Variants in VEPH1 observed in about 807,000 individuals in gnomAD.
VEPH1 encodes the protein ventricular zone expressed PH domain containing 1.
A neutral mutation model predicts 85.2 loss-of-function variants in VEPH1; 80 were observed. The ratio of observed to expected loss-of-function variants is 0.94; its 90% CI spans 0.78 to 1.13. The LOEUF (loss-of-function observed/expected upper bound fraction) is 1.13, where lower values mean the gene tolerates loss of function less well. VEPH1 is among the 50% of genes most tolerant of loss of function. The probability of loss-of-function intolerance (pLI) is 0.00; values close to 1 mark genes in which losing one functional copy is unlikely to be tolerated. For synonymous variants in VEPH1, 297 were observed against 348.0 expected (o/e 0.85, Z 1.63); for missense variants, 955 against 980.5 (o/e 0.97, Z 0.35).
intron 11 of VEPH1, among the ~76,000 whole-genome samples, chr3:157,287,136 G>T (rs888920096): frequency 6.6e-6 from 1 of 152,160 alleles, no homozygotes; most frequent in Non-Finnish European, 1.5e-5. Flanking sequence ...ACTCTGGGAG[G>T]CTGAGGCAGG....
chr3:157,492,916 G>A (rs1198204239), intron 2 of VEPH1, among the ~76,000 whole-genome samples: 2 of 152,086 alleles, frequency 1.3e-5, no homozygotes, highest in African/African-American at 4.8e-5. Context: ...TGATAGAGAG[G>A]GAGGAAGTAA....
At chr3:157,410,165 C>A (rs1187464873) in intron 6 of VEPH1, among the ~76,000 whole-genome samples, 4 of 152,112 alleles carry the variant, frequency 2.6e-5, no homozygotes, top group African/African-American at 9.7e-5. Flanking sequence ...CAAATGGAGT[C>A]AATTTTTAGA....
At chr3:157,386,435 T>C (rs973399946) in intron 6 of VEPH1, among the ~76,000 whole-genome samples, 10 of 152,140 alleles carry the variant, frequency 6.6e-5, no homozygotes, top group African/African-American at 2.4e-4. Context: ...GATTGAGATT[T>C]AATAAAATTA....
At chr3:157,342,191 T>C (rs1161073649) in intron 9 of VEPH1, among the ~76,000 whole-genome samples, 1 of 151,048 alleles carries the variant, frequency 6.6e-6, no homozygotes, top group Admixed American at 6.6e-5. Flanking sequence ...ACCTTAAATG[T>C]AAATGGGCTA....
In VEPH1 at chr3:157,381,063, G is replaced by T. The variant is rs1464472592; in HGVS notation, c.1127+93C>A. The T allele has an allele frequency of 5.4e-6, 7 of 1,293,966 alleles. No homozygotes were observed. The Admixed American group carries it at 1.2e-4, about 23-fold the overall frequency. The allele number at this position is 1,293,966 out of a possible 1,614,324, so 80.2% of individuals were successfully genotyped here. On this transcript the variant is annotated intron_variant, in intron 7 of 13. Coordinates refer to ENST00000362010, the MANE Select transcript of VEPH1 (RefSeq NM_001167912.2). ...ATTCTCTGTTGAGATACAGGTTTTA[G>T]CTTCCTTTGGAAGTTAGAGAGGCTT...
chr3:157,409,818 G>A, intron 6 of VEPH1: 1 of 985,334 alleles, frequency 1.0e-6, no homozygotes, highest in Non-Finnish European at 1.2e-6. Flanking sequence ...GTGATTCCAG[G>A]CCGTCTCTAC....
At chr3:157,502,359 C>T (rs1341701158) in intron 1 of VEPH1, among the ~76,000 whole-genome samples, 3 of 152,138 alleles carry the variant, frequency 2.0e-5, no homozygotes, top group African/African-American at 7.2e-5. Context: ...GGATGAGAAA[C>T]ACTTATCTTC....
intron 7 of VEPH1, among the ~76,000 whole-genome samples, chr3:157,372,508 C>T (rs573515833): frequency 6.6e-6 from 1 of 152,278 alleles, no homozygotes; most frequent in East Asian, 1.9e-4. Flanking sequence ...AACTGTAACC[C>T]ATCTTAGAGT....
chr3:157,339,218 C>G (rs941645456), intron 9 of VEPH1, among the ~76,000 whole-genome samples: 1 of 152,234 alleles, frequency 6.6e-6, no homozygotes, highest in Non-Finnish European at 1.5e-5. Context: ...AGGGCTGTTT[C>G]TGTCCCACCT....
chr3:157,269,621 TTTTTTG>T (rs1217535644), intron 12 of VEPH1, among the ~76,000 whole-genome samples: 1 of 145,810 alleles, frequency 6.9e-6, no homozygotes, highest in African/African-American at 2.5e-5. Flanking sequence ...TGTTTGTTTG[TTTTTTG>T]TTTTTGTTTT....
intron 9 of VEPH1, among the ~76,000 whole-genome samples, chr3:157,332,803 G>A (rs2108609509): frequency 6.6e-6 from 1 of 152,254 alleles, no homozygotes; most frequent in South Asian, 2.1e-4. Context: ...TGTTCAACTT[G>A]TAAGGAATGG....
chr3:157,438,052 C>CAT (rs1381901735), intron 4 of VEPH1: 22 of 734,984 alleles, frequency 3.0e-5, no homozygotes, highest in African/African-American at 6.0e-5. Flanking sequence ...CACACACACA[C>CAT]ACACACACAC....
chr3:157,297,122 G>A (rs73016284), intron 11 of VEPH1, among the ~76,000 whole-genome samples: 9,936 of 152,140 alleles, frequency 0.065, 484 homozygotes, highest in South Asian at 0.19. Context: ...CAGTGATGAT[G>A]ATAATTCAAA....
At chr3:157,462,199 C>G (rs1362463947) in intron 3 of VEPH1, among the ~76,000 whole-genome samples, 1 of 151,532 alleles carries the variant, frequency 6.6e-6, no homozygotes, top group Non-Finnish European at 1.5e-5. Context: ...AGCTCCAAAA[C>G]ATGAAAATAT....
chr3:157,497,695 G>A (rs550011278), intron 1 of VEPH1, among the ~76,000 whole-genome samples: 5 of 152,268 alleles, frequency 3.3e-5, no homozygotes, highest in African/African-American at 1.2e-4. Context: ...GTACAGAGGA[G>A]CACCCCCAGG....
intron 12 of VEPH1, among the ~76,000 whole-genome samples, chr3:157,276,329 G>C (rs562967259): frequency 6.6e-6 from 1 of 152,324 alleles, no homozygotes; most frequent in South Asian, 2.1e-4. Context: ...TTCCTGAACT[G>C]TGTTGTGAGA....
chr3:157,441,521 T>C (rs1207573024), intron 4 of VEPH1, among the ~76,000 whole-genome samples: 2 of 152,144 alleles, frequency 1.3e-5, no homozygotes, highest in Admixed American at 1.3e-4. Context: ...TTAAAATGTA[T>C]TCTGCAGGCC....
chr3:157,486,827 C>T (rs1429690514), intron 2 of VEPH1, among the ~76,000 whole-genome samples: 1 of 152,098 alleles, frequency 6.6e-6, no homozygotes, highest in Non-Finnish European at 1.5e-5. Context: ...TGATACCATG[C>T]AGTTCACATT....
At chr3:157,501,866 A>G (rs1368196526) in intron 1 of VEPH1, among the ~76,000 whole-genome samples, 1 of 152,192 alleles carries the variant, frequency 6.6e-6, no homozygotes, top group African/African-American at 2.4e-5. Flanking sequence ...CATTTTATTC[A>G]CCTGTATTAA....
Sources: gnomAD v4.1 joint callset for allele counts (sites outside exome capture counted in the v4.1 genomes callset) on GRCh38, gnomAD v4.1.1 for gene constraint, MANE v1.5 for transcripts, NCBI Gene and HGNC (gene_info 2026-07-23, HGNC 2026-07-21) for gene names.